Variants in GRP observed in about 807,000 individuals in gnomAD.
GRP encodes the protein gastrin releasing peptide.
A neutral mutation model predicts 12.7 loss-of-function variants in GRP; 11 were observed. The ratio of observed to expected loss-of-function variants is 0.87; its 90% CI spans 0.55 to 1.44. GRP has a LOEUF of 1.44. Ranked by LOEUF, GRP falls within the 40% of genes most tolerant of loss-of-function variation. The pLI, the probability that GRP is intolerant of heterozygous loss-of-function variation, is 0.00. For missense variants in GRP, 212 were observed against 185.4 expected, an observed-to-expected ratio of 1.14 and a Z score of -0.83; for synonymous variants, 84 against 77.7, an observed-to-expected ratio of 1.08 and a Z score of -0.43.
intron 1 of GRP, among the ~76,000 whole-genome samples, chr18:59,224,289 C>T (rs182108624): frequency 2.9e-4 from 44 of 152,266 alleles, no homozygotes; most frequent in African/African-American, 9.6e-4. Context: ...AAATCCAGCA[C>T]ATTTAAACAT....
intron 2 of GRP, among the ~76,000 whole-genome samples, chr18:59,228,864 G>T (rs1409234401): frequency 6.6e-6 from 1 of 152,170 alleles, no homozygotes; most frequent in Non-Finnish European, 1.5e-5. Flanking sequence ...GGAGGTTTTA[G>T]TTGGCCTTTG....
chr18:59,220,464 G>A (rs984630353), intron 1 of GRP, 60 bp downstream of exon 1: 1 of 1,304,886 alleles, frequency 7.7e-7, no homozygotes, highest in East Asian at 3.1e-5. Flanking sequence ...CCAGCCGGAG[G>A]GGACCTGTCT....
rs989404427 is a variant in GRP at position 59,220,469 on chromosome 18, C to T, written c.139+65C>T. The T allele has an allele frequency of 4.6e-6, 6 of 1,290,430 alleles. No individual in the cohort carries two copies. In the African/African-American group the frequency reaches 6.2e-5, roughly 13 times the overall value. 79.9% of individuals were successfully genotyped at this position (1,290,430 alleles called of 1,614,324 possible). On this transcript the variant is annotated intron_variant, in intron 1 of 2. Transcript: ENST00000256857. ...TCTGGATCAGCCAGCCGGAGGGGAC[C>T]TGTCTCCCCATTTCTTTGCGTTTCC...
intron 1 of GRP, among the ~76,000 whole-genome samples, chr18:59,223,367 C>T (rs891140586): frequency 1.3e-5 from 2 of 152,194 alleles, no homozygotes; most frequent in East Asian, 3.9e-4. Flanking sequence ...GTGTACTTCC[C>T]TGGGATGTTA....
rs1329212987 is a variant in GRP, at chr18:59,230,514, C to T, written c.*46C>T. On this transcript the variant is annotated 3_prime_UTR_variant, in exon 3 of 3. Coordinates refer to ENST00000256857, the MANE Select transcript of GRP (RefSeq NM_002091.5). ...AGAGAAAAACAAAACCCCTAAGAGA[C>T]TGCGTTCTGCAAGCATCAGTTCTAC... is the stretch of plus-strand genomic sequence containing the variant. 7.0e-6 allele frequency: 7 copies of T among 993,756 alleles called. No homozygotes were observed. The highest frequency in any genetic ancestry group is 2.0e-4 in the Middle Eastern group (1 of 4,896). The allele number at this position is 993,756 out of a possible 1,614,324, so 61.6% of individuals were successfully genotyped here.
At chr18:59,227,016 T>TCTTTCTTTCTTTCTTTCTTC (rs2069941723) in intron 2 of GRP, among the ~76,000 whole-genome samples, 69 of 129,414 alleles carry the variant, frequency 5.3e-4, no homozygotes, top group Non-Finnish European at 6.5e-4. Flanking sequence ...TTTCTTTCTT[T>TCTTTCTTTCTTTCTTTCTTC]CTTTCTTTCT....
chr18:59,224,999 A>G (rs1362678215), intron 1 of GRP, among the ~76,000 whole-genome samples: 2 of 152,226 alleles, frequency 1.3e-5, no homozygotes, highest in Non-Finnish European at 2.9e-5. Context: ...ATTTTTAAAA[A>G]ACCACACAAA....
In GRP at chr18:59,225,615, T is replaced by A. The variant is rs368021851; in HGVS notation, c.263T>A (p.Ile88Lys). 1.2e-5 allele frequency: 20 copies of A among 1,613,960 alleles called. No individual in the cohort carries two copies. The highest frequency in any genetic ancestry group is 1.6e-4 in the Middle Eastern group (1 of 6,084). The change falls in exon 2 of 3, where the codon ATA becomes AAA. Residue 88 changes from isoleucine to lysine, a missense_variant. Transcript: ENST00000256857. ...GCTGCAAGGAATTTGCTGGGTCTCA[T>A]AGAAGCAAAGGAGAACAGAAACCAC... is the stretch of plus-strand genomic sequence containing the variant. ...EEAARNLLGL[I>K]EAKENRNHQP...
chr18:59,227,004 T>TCTTTCTTTCTTTCTTTCTTTCTTTCTTC (rs2069937738), intron 2 of GRP, among the ~76,000 whole-genome samples: 3 of 99,854 alleles, frequency 3.0e-5, no homozygotes, highest in African/African-American at 4.0e-5. Flanking sequence ...TTTCTTTCTT[T>TCTTTCTTTCTTTCTTTCTTTCTTTCTTC]CTTTCTTTCT....
intron 1 of GRP, among the ~76,000 whole-genome samples, chr18:59,222,006 A>G (rs1443782413): frequency 6.6e-6 from 1 of 152,152 alleles, no homozygotes; most frequent in Admixed American, 6.5e-5. Context: ...GGTGTTGAAG[A>G]ATCCAAACTT....
At chr18:59,225,459 G>C (rs2069901165) in intron 1 of GRP, 33 bp from the exon 2 acceptor site, 4 of 1,577,566 alleles carry the variant, frequency 2.5e-6, no homozygotes, top group Non-Finnish European at 3.4e-6. Flanking sequence ...TAAATTTGTG[G>C]CATTCTGAGT....
chr18:59,227,991 A>C (rs1298805798), intron 2 of GRP, among the ~76,000 whole-genome samples: 1 of 152,226 alleles, frequency 6.6e-6, no homozygotes, highest in Admixed American at 6.5e-5. Flanking sequence ...TGATAAAAAA[A>C]ATCAGGCTTT....
At position 59,220,552 on chromosome 18, in the gene GRP, C is replaced by T. The variant is rs2069815041; in HGVS notation, c.139+148C>T. On this transcript the variant is annotated intron_variant, in intron 1 of 2. Transcript: ENST00000256857. ...ACCTTTCTATCGGCAAACACCTTCC[C>T]CGTTCTCCTAAAACTCCACCCCACC... The T allele has an allele frequency of 9.7e-6, 6 of 621,534 alleles. No individual in the cohort carries two copies. The South Asian group carries it at 2.5e-4, about 26-fold the overall frequency. The allele number at this position is 621,534 out of a possible 1,614,324, so 38.5% of individuals were successfully genotyped here. A position where few individuals can be genotyped will look rare whatever the true frequency, so the allele number is the denominator to read the frequency against.
chr18:59,220,040 G>C (rs2069800640), upstream of GRP: 1 of 401,830 alleles, frequency 2.5e-6, no homozygotes, highest in Non-Finnish European at 4.4e-6. Context: ...CGGACCGGGC[G>C]TCCCAGCGCC....
rs191274368 is a variant in GRP at position 59,223,642 on chromosome 18, T to C, written c.140-1850T>C. ...GCATTCTAACTAGATGATAGTCAGTTAGAAGGGCAAGGTGATCTAGGTCAT... is the reference window on the plus strand; with the variant it reads ...GCATTCTAACTAGATGATAGTCAGTCAGAAGGGCAAGGTGATCTAGGTCAT... On this transcript the variant is annotated intron_variant, in intron 1 of 2. Coordinates refer to ENST00000256857, the MANE Select transcript of GRP (RefSeq NM_002091.5). Among the ~76,000 whole-genome samples the C allele has an allele frequency of 2.0e-3, 311 of 152,356 alleles. 3 individuals carry two copies. The highest frequency in any genetic ancestry group is 6.8e-3 in the Middle Eastern group (2 of 294).
At chr18:59,220,132 A>T, upstream of GRP, 3 of 327,442 alleles carry the variant, frequency 9.2e-6, no homozygotes, top group Non-Finnish European at 5.3e-6. Flanking sequence ...GCTTCCATAT[A>T]AAGTAGGGGC....
chr18:59,225,854 T>G, intron 2 of GRP, 120 bp downstream of exon 2: 1 of 835,766 alleles, frequency 1.2e-6, no homozygotes, highest in East Asian at 2.4e-5. Flanking sequence ...GTCACTACAT[T>G]AGGCTAACAC....
In GRP at chr18:59,220,414, CT is replaced by C; in HGVS notation, c.139+11del. On this transcript the variant is annotated intron_variant, in intron 1 of 2. Transcript: ENST00000256857. ...AACCACTGGGCGGTGGGTGAGTGTCCTGGCCGCGGGAGCCGCGCGCTTGTCC... is the reference window on the plus strand; with the variant it reads ...AACCACTGGGCGGTGGGTGAGTGTCCGGCCGCGGGAGCCGCGCGCTTGTCC... The C allele has an allele frequency of 7.4e-7, 1 of 1,350,716 alleles. No homozygotes were observed. The highest frequency in any genetic ancestry group is 1.8e-5 in the South Asian group (1 of 55,780). 83.7% of individuals were successfully genotyped at this position (1,350,716 alleles called of 1,614,324 possible).
chr18:59,230,467 G>C lies in GRP; in HGVS notation c.446G>C (p.Ter149SerextTer1). 1 of 1,559,512 alleles carries C rather than the reference G, an allele frequency of 6.4e-7. No individual in the cohort carries two copies. Among genetic ancestry groups the C allele is most frequent in the South Asian group, 1.1e-5 (1 of 90,008 alleles). The change falls in exon 3 of 3, where the codon TGA becomes TCA. Residue 149 changes from the stop codon to serine (S), a stop_lost. Transcript: ENST00000256857. The stretch of plus-strand genomic sequence containing the variant: ...AGGAACCCCCAGCTGAACCAGCAAT[G>C]ATAATGATGGCCTCTCTCAAAAGAG... ...EGRNPQLNQQ* is the reference protein window; with the variant it reads ...EGRNPQLNQQS
Sources: allele counts gnomAD v4.1 joint callset (sites outside exome capture counted in the v4.1 genomes callset), GRCh38; gene constraint gnomAD v4.1.1; transcripts MANE v1.5; gene names NCBI Gene and HGNC (gene_info 2026-07-23, HGNC 2026-07-21).